The following PTPRN2 variants were observed in gnomAD, a reference collection of about 807,000 sequenced individuals.
PTPRN2 encodes protein tyrosine phosphatase receptor type N2.
PTPRN2 carries 74 observed loss-of-function variants against 118.8 expected under a neutral mutation model. The ratio of observed to expected loss-of-function variants is 0.62; its 90% confidence interval spans 0.52 to 0.76. The LOEUF (loss-of-function observed/expected upper bound fraction) is 0.76, where lower values mean the gene tolerates loss of function less well. Among genes scored for constraint, PTPRN2 ranks in the 30% least tolerant of loss-of-function variants. The probability of loss-of-function intolerance (pLI) is 0.00; values close to 1 mark genes in which losing one functional copy is unlikely to be tolerated. For missense variants in PTPRN2, 1,481 were observed against 1,394.4 expected (o/e 1.06, Z -0.99); for synonymous variants, 641 against 608.0 (o/e 1.05, Z -0.80).
intron 22 of PTPRN2, among the ~76,000 whole-genome samples, chr7:157,543,290 A>T (rs994092907): frequency 1.3e-5 from 2 of 152,194 alleles, no homozygotes; most frequent in East Asian, 1.9e-4. Context: ...TTGAACACAT[A>T]CTACAATAAA....
chr7:158,280,025 C>T (rs1184690993), intron 3 of PTPRN2, among the ~76,000 whole-genome samples: 5 of 149,024 alleles, frequency 3.4e-5, no homozygotes, highest in African/African-American at 1.2e-4. Flanking sequence ...ACCCACAGAG[C>T]CCCGCGGCGG....
chr7:157,684,536 G>C (rs1023141456), intron 12 of PTPRN2, among the ~76,000 whole-genome samples: 2 of 151,904 alleles, frequency 1.3e-5, no homozygotes, highest in Middle Eastern at 3.4e-3. Context: ...TCTCGCCGCC[G>C]GGTCGCCCTT....
chr7:158,149,658 C>T (rs6947802), intron 6 of PTPRN2, among the ~76,000 whole-genome samples: 2 of 152,068 alleles, frequency 1.3e-5, no homozygotes, highest in Non-Finnish European at 2.9e-5. Context: ...ACAAAAATGA[C>T]CCAGGCGTGG....
rs116243590 is a variant in PTPRN2 at position 158,290,884 on chromosome 7, T to A, written c.277+25935A>T. Among the ~76,000 whole-genome samples the A allele has an allele frequency of 7.7e-3, 1,171 of 152,336 alleles. 18 individuals carry two copies. The highest frequency in any genetic ancestry group is 0.026 in the African/African-American group (1,086 of 41,582). On this transcript the variant is annotated intron_variant, in intron 3 of 22. Coordinates refer to ENST00000389418, the MANE Select transcript of PTPRN2 (RefSeq NM_002847.5). Reference sequence around the variant, plus strand: ...GTGATGGATGAGCAATGGAGAGTCCTCTCCTGCTGCCTTGCTGATGTCCAT... The same window carrying A: ...GTGATGGATGAGCAATGGAGAGTCCACTCCTGCTGCCTTGCTGATGTCCAT...
chr7:157,747,477 C>CTGAG (rs1801051213), intron 12 of PTPRN2, among the ~76,000 whole-genome samples: 13 of 21,772 alleles, frequency 6.0e-4, no homozygotes, highest in Admixed American at 7.1e-4. Flanking sequence ...GGGGTGTCCG[C>CTGAG]GTGATTCTGA....
intron 2 of PTPRN2, among the ~76,000 whole-genome samples, chr7:158,430,038 G>A (rs1396576690): frequency 6.6e-6 from 1 of 152,126 alleles, no homozygotes; most frequent in Non-Finnish European, 1.5e-5. Context: ...CTCCTGAGTA[G>A]CTGGGATTAC....
chr7:158,424,664 G>A (rs371231678), intron 2 of PTPRN2, among the ~76,000 whole-genome samples: 211 of 152,342 alleles, frequency 1.4e-3, no homozygotes, highest in African/African-American at 4.9e-3. Flanking sequence ...GCGGCCCTGA[G>A]AGCCCTGAGA....
intron 4 of PTPRN2, among the ~76,000 whole-genome samples, chr7:158,193,533 G>A (rs762406319): frequency 3.3e-5 from 5 of 151,960 alleles, no homozygotes; most frequent in Admixed American, 1.3e-4. Context: ...CATGCACAGA[G>A]GATGTCCGTG....
chr7:157,584,202 C>G (rs910917208), intron 17 of PTPRN2, among the ~76,000 whole-genome samples: 8 of 152,168 alleles, frequency 5.3e-5, no homozygotes, highest in Non-Finnish European at 8.8e-5. Flanking sequence ...CATCCCTGGG[C>G]CCCTTCAGGA....
chr7:157,588,128 A>G (rs1800779692), intron 17 of PTPRN2, among the ~76,000 whole-genome samples: 1 of 152,214 alleles, frequency 6.6e-6, no homozygotes, highest in South Asian at 2.1e-4. Flanking sequence ...GTGACAGACT[A>G]TGCTGCCTAC....
At chr7:157,614,053 A>T (rs568274724) in intron 15 of PTPRN2, 137 of 471,514 alleles carry the variant, frequency 2.9e-4, no homozygotes, top group African/African-American at 2.4e-3. Context: ...ATCGTTCTGC[A>T]GCAGGACTGC....
intron 3 of PTPRN2, among the ~76,000 whole-genome samples, chr7:158,285,666 G>A (rs1799720849): frequency 6.6e-6 from 1 of 152,242 alleles, no homozygotes; most frequent in African/African-American, 2.4e-5. Context: ...TAAGAGGCCA[G>A]GTGTGAAGAG....
intron 11 of PTPRN2, among the ~76,000 whole-genome samples, chr7:158,071,978 G>A (rs1175402932): frequency 9.8e-6 from 1 of 101,706 alleles, no homozygotes; most frequent in African/African-American, 4.0e-5. Flanking sequence ...AGGTGCCCGT[G>A]GTGGAGGTGC....
At chr7:157,984,677 C>T (rs1237736066) in intron 11 of PTPRN2, among the ~76,000 whole-genome samples, 1 of 152,154 alleles carries the variant, frequency 6.6e-6, no homozygotes, top group African/African-American at 2.4e-5. Flanking sequence ...TCAGCAGCCA[C>T]GAGCTGACCA....
At chr7:158,165,540 CAAAG>C (rs1202986207) in intron 6 of PTPRN2, among the ~76,000 whole-genome samples, 1 of 152,242 alleles carries the variant, frequency 6.6e-6, no homozygotes, top group African/African-American at 2.4e-5. Context: ...GCTGCATGAA[CAAAG>C]AAAGAGCGAG....
intron 11 of PTPRN2, among the ~76,000 whole-genome samples, chr7:157,962,357 G>A (rs927688600): frequency 4.0e-5 from 6 of 151,362 alleles, no homozygotes; most frequent in African/African-American, 1.2e-4. Context: ...TTCCCCCAGC[G>A]GGAGCGTTAT....
intron 10 of PTPRN2, among the ~76,000 whole-genome samples, chr7:158,085,778 T>G: frequency 8.3e-6 from 1 of 121,062 alleles, no homozygotes; most frequent in African/African-American, 3.4e-5. Flanking sequence ...ATGACGCCCA[T>G]CCACACCCAC....
rs77363139 is a variant in PTPRN2 at position 157,779,795 on chromosome 7, G to C, written c.1789-96858C>G. 0.011 allele frequency among the ~76,000 whole-genome samples: 1,651 copies of C among 152,286 alleles called. 41 individuals carry two copies. Among genetic ancestry groups the C allele is most frequent in the African/African-American group, 0.038 (1,564 of 41,542 alleles). ...CACCCAGGGCACCCCGAGGTCATCAGCCTGAGGAAGAGTGCTGGGTGATTT... is the reference window on the plus strand; with the variant it reads ...CACCCAGGGCACCCCGAGGTCATCACCCTGAGGAAGAGTGCTGGGTGATTT... On this transcript the variant is annotated intron_variant, in intron 12 of 22. Coordinates refer to ENST00000389418, the MANE Select transcript of PTPRN2 (RefSeq NM_002847.5). The surrounding 1 kb of genome is among the most constrained non-coding windows in gnomAD (Gnocchi z 4.7).
Position 157,921,111 on chromosome 7 carries a change from G to A in PTPRN2, c.1724-22374C>T, listed in dbSNP as rs1427028557. Among the ~76,000 whole-genome samples, 3 of 152,150 alleles carry A rather than the reference G, an allele frequency of 2.0e-5. No individual in the cohort carries two copies. The East Asian group carries it at 5.8e-4, about 29-fold the overall frequency. On this transcript the variant is annotated intron_variant, in intron 11 of 22. Transcript: ENST00000389418. Reference sequence around the variant, plus strand: ...TTCAGTAGATGAATGGATCAACCGTGGTGTATCCATATAATAGGATATCAT... The same window carrying A: ...TTCAGTAGATGAATGGATCAACCGTAGTGTATCCATATAATAGGATATCAT...
Sources: allele counts gnomAD v4.1 joint callset (sites outside exome capture counted in the v4.1 genomes callset), GRCh38; gene constraint gnomAD v4.1.1; non-coding constraint Gnocchi (gnomAD v3.1); transcripts MANE v1.5; gene names NCBI Gene and HGNC (gene_info 2026-07-23, HGNC 2026-07-21).